Variants in DDX10 observed in about 807,000 individuals in gnomAD.
The protein encoded by DDX10 is probable ATP-dependent RNA helicase DDX10.
A neutral mutation model predicts 104.3 loss-of-function variants in DDX10; 74 were observed. That is an observed-to-expected ratio of 0.71 (90% CI 0.59 to 0.86). The LOEUF (loss-of-function observed/expected upper bound fraction) is 0.86. DDX10 is among the 40% of genes least tolerant of loss of function. The pLI, the probability that DDX10 is intolerant of heterozygous loss-of-function variation, is 0.00. For synonymous variants in DDX10, 351 were observed against 353.4 expected (o/e 0.99, Z 0.08); for missense variants, 952 against 1,040.0 (o/e 0.92, Z 1.16).
chr11:108,837,084 A>C (rs1682128219), intron 13 of DDX10, among the ~76,000 whole-genome samples: 1 of 152,222 alleles, frequency 6.6e-6, no homozygotes. Context: ...GTAGCACAAA[A>C]TCAATGTATA....
chr11:108,774,622 T>A (rs983082431), intron 13 of DDX10, among the ~76,000 whole-genome samples: 1 of 152,316 alleles, frequency 6.6e-6, no homozygotes, highest in African/African-American at 2.4e-5. Context: ...GCATTTCTTT[T>A]ATCCCCTCCA....
chr11:108,887,805 A>T (rs1863319088), intron 16 of DDX10, among the ~76,000 whole-genome samples: 1 of 152,192 alleles, frequency 6.6e-6, no homozygotes, highest in Admixed American at 6.5e-5. Context: ...AGTCCCAGCT[A>T]GTCCTCAGGA....
chr11:108,899,438 GTGTTGCCACC>G (rs1863485785), intron 16 of DDX10, among the ~76,000 whole-genome samples: 1 of 151,292 alleles, frequency 6.6e-6, no homozygotes, highest in African/African-American at 2.4e-5. Flanking sequence ...GAGATATATG[GTGTTGCCACC>G]TGTTTATATT....
In DDX10 at chr11:108,758,063, CTTCATGG is replaced by C. The variant is rs929186871; in HGVS notation, c.1965+34605_1965+34611del. ...TTTTACGCCATAGTGGCAGCATTGT[CTTCATGG>C]TTCTTTACCCTCCTAACTAGTCATC... is the stretch of plus-strand genomic sequence containing the variant. On this transcript the variant is annotated intron_variant, in intron 13 of 17. Coordinates refer to ENST00000322536, the MANE Select transcript of DDX10 (RefSeq NM_004398.4). Among the ~76,000 whole-genome samples, 26 of 152,054 alleles carry C rather than the reference CTTCATGG, an allele frequency of 1.7e-4. No individual in the cohort carries two copies. In the East Asian group the frequency reaches 3.7e-3, roughly 22 times the overall value.
intron 13 of DDX10, among the ~76,000 whole-genome samples, chr11:108,760,476 A>C (rs1006596526): frequency 6.6e-6 from 1 of 152,048 alleles, no homozygotes; most frequent in Middle Eastern, 3.2e-3. Flanking sequence ...GCATGTTTTC[A>C]TATTAGTTTA....
At chr11:108,725,540 T>C (rs1165367790) in intron 13 of DDX10, among the ~76,000 whole-genome samples, 1 of 152,088 alleles carries the variant, frequency 6.6e-6, no homozygotes, top group Non-Finnish European at 1.5e-5. Context: ...TACTGCAGTT[T>C]TAATTTGCAT....
At chr11:108,892,416 T>C (rs1371518034) in intron 16 of DDX10, among the ~76,000 whole-genome samples, 2 of 152,176 alleles carry the variant, frequency 1.3e-5, no homozygotes, top group African/African-American at 4.8e-5. Context: ...AAACCATTTT[T>C]CTTTAGAAGT....
intron 16 of DDX10, among the ~76,000 whole-genome samples, chr11:108,853,805 A>C (rs945172705): frequency 6.6e-6 from 1 of 152,130 alleles, no homozygotes; most frequent in African/African-American, 2.4e-5. Flanking sequence ...TTGTTTCCTG[A>C]CATCTAAAAA....
chr11:108,699,894 A>G (rs1414325548), intron 9 of DDX10, among the ~76,000 whole-genome samples: 3 of 152,210 alleles, frequency 2.0e-5, no homozygotes, highest in Non-Finnish European at 2.9e-5. Context: ...GCTCTGGCCC[A>G]GGTTAACATA....
chr11:108,783,225 A>C, intron 13 of DDX10, among the ~76,000 whole-genome samples: 1 of 152,222 alleles, frequency 6.6e-6, no homozygotes, highest in East Asian at 1.9e-4. Flanking sequence ...TTATACATCA[A>C]GTGCCTAATG....
chr11:108,863,746 T>A (rs1178974105), intron 16 of DDX10, among the ~76,000 whole-genome samples: 1 of 152,172 alleles, frequency 6.6e-6, no homozygotes, highest in Non-Finnish European at 1.5e-5. Context: ...TTTTTGTGGT[T>A]GGTACTTTGA....
At chr11:108,879,291 C>T (rs559877711) in intron 16 of DDX10, among the ~76,000 whole-genome samples, 2 of 152,292 alleles carry the variant, frequency 1.3e-5, no homozygotes, top group South Asian at 2.1e-4. Flanking sequence ...TGAGCCATCA[C>T]ATCCGGCCGA....
chr11:108,697,268 T>C (rs950595484), intron 9 of DDX10, among the ~76,000 whole-genome samples: 1 of 150,212 alleles, frequency 6.7e-6, no homozygotes, highest in African/African-American at 2.4e-5. Flanking sequence ...TTGCCAATAA[T>C]GGGCTTAAAG....
intron 10 of DDX10, among the ~76,000 whole-genome samples, chr11:108,715,533 T>C (rs946727495): frequency 6.6e-6 from 1 of 152,150 alleles, no homozygotes; most frequent in Admixed American, 6.5e-5. Flanking sequence ...CTTAAAAAAA[T>C]TAGATTTAAT....
At chr11:108,867,708 G>A (rs1198216135) in intron 16 of DDX10, among the ~76,000 whole-genome samples, 1 of 152,174 alleles carries the variant, frequency 6.6e-6, no homozygotes. Flanking sequence ...ATTAGAACAT[G>A]TAGTCTGTTA....
chr11:108,780,686 C>G (rs947979214), intron 13 of DDX10, among the ~76,000 whole-genome samples: 8 of 152,176 alleles, frequency 5.3e-5, no homozygotes, highest in Middle Eastern at 6.3e-3. Flanking sequence ...GTATTCTACT[C>G]AAGCACTTTA....
intron 16 of DDX10, among the ~76,000 whole-genome samples, chr11:108,896,029 A>G (rs1394449916): frequency 6.6e-6 from 1 of 152,132 alleles, no homozygotes; most frequent in Non-Finnish European, 1.5e-5. Flanking sequence ...ACCCAAATGT[A>G]ATCGTTCAGA....
At chr11:108,851,488 C>T (rs1200607437) in intron 15 of DDX10, among the ~76,000 whole-genome samples, 4 of 151,988 alleles carry the variant, frequency 2.6e-5, no homozygotes, top group African/African-American at 7.2e-5. Context: ...ATTTTAATTT[C>T]GTGGCAGAAC....
Position 108,792,008 on chromosome 11 carries a change from G to A in DDX10, c.1966-46438G>A, listed in dbSNP as rs1861878193. ...GTGGCTACAAAGGCTTATCTCATTG[G>A]TGTTTTAATTTGCATATTTCTGTGA... is the stretch of plus-strand genomic sequence containing the variant. On this transcript the variant is annotated intron_variant, in intron 13 of 17. Coordinates refer to ENST00000322536, the MANE Select transcript of DDX10 (RefSeq NM_004398.4). Among the ~76,000 whole-genome samples, 4 of 152,060 alleles carry A rather than the reference G, an allele frequency of 2.6e-5. No individual in the cohort carries two copies. In the South Asian group the frequency reaches 8.3e-4, roughly 31 times the overall value.
Sources: gnomAD v4.1 joint callset for allele counts (sites outside exome capture counted in the v4.1 genomes callset) on GRCh38, gnomAD v4.1.1 for gene constraint, MANE v1.5 for transcripts, NCBI Gene and HGNC (gene_info 2026-07-23, HGNC 2026-07-21) for gene names.